The following GRID2 variants were observed in gnomAD, a reference collection of about 807,000 sequenced individuals.
The protein encoded by GRID2 is glutamate ionotropic receptor delta type subunit 2, also known as glutamate receptor ionotropic, delta-2.
In GRID2, 33 loss-of-function variants were observed where a neutral mutation model predicts 114.8. That is an observed-to-expected ratio of 0.29 (90% confidence interval 0.22 to 0.38). GRID2 has a LOEUF of 0.38. Ranked by LOEUF, GRID2 falls within the 10% of genes least tolerant of loss-of-function variation. The pLI is 1.00. For synonymous variants in GRID2, 505 were observed against 449.9 expected, an observed-to-expected ratio of 1.12 and a Z score of -1.55; for missense variants, 1,184 against 1,257.7, an observed-to-expected ratio of 0.94 and a Z score of 0.89.
At chr4:92,530,883 A>G (rs1542261) in intron 1 of GRID2, among the ~76,000 whole-genome samples, 129,818 of 151,948 alleles carry the variant, frequency 0.85, 55,544 homozygotes, top group East Asian at 1. Context: ...CTCCAAGCTG[A>G]GTGACAGAGT....
At chr4:93,394,011 A>T (rs1025752412) in intron 8 of GRID2, among the ~76,000 whole-genome samples, 2 of 152,048 alleles carry the variant, frequency 1.3e-5, no homozygotes, top group African/African-American at 4.8e-5. Context: ...CTCTTCACTT[A>T]ATGTTATAGA....
chr4:93,099,747 G>A (rs762206574), intron 3 of GRID2, among the ~76,000 whole-genome samples: 36 of 151,790 alleles, frequency 2.4e-4, no homozygotes, highest in African/African-American at 8.0e-4. Context: ...ACTCTTCACC[G>A]TATCACTCTT....
At chr4:93,260,281 G>A (rs1216294996) in intron 8 of GRID2, among the ~76,000 whole-genome samples, 3 of 151,210 alleles carry the variant, frequency 2.0e-5, no homozygotes, top group South Asian at 4.1e-4. Context: ...GATTCTATAT[G>A]TTATCTTTAT....
chr4:92,835,204 GGT>G, intron 2 of GRID2, among the ~76,000 whole-genome samples: 1 of 150,634 alleles, frequency 6.6e-6, no homozygotes, highest in African/African-American at 2.4e-5. Context: ...AAAAAAAAAA[GGT>G]AACAAATGAA....
intron 2 of GRID2, among the ~76,000 whole-genome samples, chr4:92,922,187 C>T (rs557201246): frequency 2.0e-5 from 3 of 152,210 alleles, no homozygotes; most frequent in Non-Finnish European, 2.9e-5. Context: ...CTTGCTAAGA[C>T]AGTTGGAAAA....
chr4:93,252,771 G>C (rs1433202919), intron 8 of GRID2, among the ~76,000 whole-genome samples: 1 of 151,956 alleles, frequency 6.6e-6, no homozygotes, highest in Non-Finnish European at 1.5e-5. Context: ...CCTCCTTGTA[G>C]AGATCGTTCA....
At chr4:93,379,699 C>T (rs1248802410) in intron 8 of GRID2, among the ~76,000 whole-genome samples, 1 of 152,022 alleles carries the variant, frequency 6.6e-6, no homozygotes. Flanking sequence ...ATGATTCAGC[C>T]ATCACAAAGC....
intron 14 of GRID2, among the ~76,000 whole-genome samples, chr4:93,742,707 G>C (rs1026199437): frequency 1.3e-5 from 2 of 152,114 alleles, no homozygotes; most frequent in Admixed American, 1.3e-4. Flanking sequence ...ACCCAGAGAA[G>C]ATGGCAACCT....
At chr4:93,262,294 A>G (rs552284584) in intron 8 of GRID2, among the ~76,000 whole-genome samples, 50 of 152,042 alleles carry the variant, frequency 3.3e-4, no homozygotes, top group Non-Finnish European at 5.9e-4. Context: ...TGCCTCACAT[A>G]GGACTTCACT....
chr4:93,036,605 GCCAA>G (rs2149263475), intron 2 of GRID2, among the ~76,000 whole-genome samples: 1 of 152,142 alleles, frequency 6.6e-6, no homozygotes, highest in Non-Finnish European at 1.5e-5. Flanking sequence ...AAGGAAGTTA[GCCAA>G]TAATGTTATC....
intron 2 of GRID2, among the ~76,000 whole-genome samples, chr4:92,799,129 G>A (rs1410844866): frequency 2.0e-5 from 3 of 151,916 alleles, no homozygotes; most frequent in Non-Finnish European, 1.5e-5. Flanking sequence ...GAATCACTGG[G>A]AGCCCAGAGC....
intron 12 of GRID2, among the ~76,000 whole-genome samples, chr4:93,503,284 G>A (rs1044531578): frequency 2.6e-5 from 4 of 151,894 alleles, no homozygotes; most frequent in Admixed American, 2.6e-4. Context: ...GAAGACTTAG[G>A]TTCAAGTCTC....
At chr4:92,762,719 G>A (rs1284378038) in intron 2 of GRID2, among the ~76,000 whole-genome samples, 1 of 152,192 alleles carries the variant, frequency 6.6e-6, no homozygotes, top group Non-Finnish European at 1.5e-5. Context: ...TTTGTTGAGT[G>A]AATAAAGACT....
chr4:93,324,071 C>T (rs1278659673), intron 8 of GRID2, among the ~76,000 whole-genome samples: 1 of 152,172 alleles, frequency 6.6e-6, no homozygotes. Flanking sequence ...CTGGCCAGAA[C>T]TTCCAACACT....
intron 2 of GRID2, among the ~76,000 whole-genome samples, chr4:92,806,489 G>C (rs540019824): frequency 2.0e-5 from 3 of 151,486 alleles, no homozygotes; most frequent in African/African-American, 7.3e-5. Context: ...AAGAAAATAA[G>C]CCTTCTTTTT....
In GRID2 at chr4:92,687,561, G is replaced by A. The variant is rs1446198742; in HGVS notation, c.244+97275G>A. 2.6e-5 allele frequency among the ~76,000 whole-genome samples: 4 copies of A among 152,166 alleles called. No individual in the cohort carries two copies. The East Asian group carries it at 5.8e-4, about 22-fold the overall frequency. On this transcript the variant is annotated intron_variant, in intron 2 of 15. Coordinates refer to ENST00000282020, the MANE Select transcript of GRID2 (RefSeq NM_001510.4). ...ATACCTTATTGGGGCCGGGCATGGT[G>A]GCTCAAGCCTGTAATCCCAGCACTT...
chr4:92,812,239 T>C (rs1335907073), intron 2 of GRID2, among the ~76,000 whole-genome samples: 1 of 152,158 alleles, frequency 6.6e-6, no homozygotes, highest in Non-Finnish European at 1.5e-5. Context: ...GTGAGTGAGA[T>C]ATATGTCAGT....
intron 2 of GRID2, among the ~76,000 whole-genome samples, chr4:92,676,341 G>A (rs187371667): frequency 4.0e-5 from 6 of 151,660 alleles, no homozygotes; most frequent in African/African-American, 9.7e-5. Context: ...CACAACGCCC[G>A]GCTAATTTGT....
At chr4:93,547,495 A>AT (rs1178382834) in intron 13 of GRID2, among the ~76,000 whole-genome samples, 1 of 152,218 alleles carries the variant, frequency 6.6e-6, no homozygotes, top group African/African-American at 2.4e-5. Flanking sequence ...TTCCTCTGAA[A>AT]TGTATGCTCT....
Sources: allele counts gnomAD v4.1 joint callset (sites outside exome capture counted in the v4.1 genomes callset), GRCh38; gene constraint gnomAD v4.1.1; transcripts MANE v1.5; gene names NCBI Gene and HGNC (gene_info 2026-07-23, HGNC 2026-07-21).